Variants in TRIOBP observed in about 807,000 individuals in gnomAD.
TRIOBP encodes the protein TRIO and F-actin-binding protein.
TRIOBP carries 169 observed loss-of-function variants against 238.8 expected under a neutral mutation model. That is an observed-to-expected ratio of 0.71 (90% confidence interval 0.62 to 0.80). The LOEUF (loss-of-function observed/expected upper bound fraction) is 0.80, where lower values mean the gene tolerates loss of function less well. Ranked by LOEUF, TRIOBP falls within the 30% of genes least tolerant of loss-of-function variation. The probability of loss-of-function intolerance (pLI) is 0.00; values close to 1 mark genes in which losing one functional copy is unlikely to be tolerated. For synonymous variants in TRIOBP, 1,150 were observed against 1,274.4 expected (o/e 0.90, Z 2.08); for missense variants, 2,838 against 3,122.6 (o/e 0.91, Z 2.17).
intron 17 of TRIOBP, among the ~76,000 whole-genome samples, chr22:37,761,292 A>T (rs1054023146): frequency 7.2e-5 from 11 of 152,066 alleles, no homozygotes; most frequent in African/African-American, 2.7e-4. Context: ...ACTAAAAAAA[A>T]AAAATACAAA....
chr22:37,759,812 T>C, intron 17 of TRIOBP: 4 of 1,313,308 alleles, frequency 3.0e-6, no homozygotes, highest in Non-Finnish European at 3.9e-6. Context: ...CTGGGAATAC[T>C]TCTGGTTGTC....
chr22:37,736,553 T>TG (rs1405941915), intron 9 of TRIOBP, among the ~76,000 whole-genome samples: 1 of 152,180 alleles, frequency 6.6e-6, no homozygotes, highest in African/African-American at 2.4e-5. Context: ...AGGCATTTGC[T>TG]GGGGGTCACA....
At chr22:37,748,842 G>T (rs1464171213) in intron 11 of TRIOBP, among the ~76,000 whole-genome samples, 1 of 152,150 alleles carries the variant, frequency 6.6e-6, no homozygotes, top group East Asian at 1.9e-4. Context: ...GGGTCTTAAG[G>T]CCTGAGTAGC....
chr22:37,712,014 T>C (rs374667149), intron 4 of TRIOBP, among the ~76,000 whole-genome samples: 4 of 152,076 alleles, frequency 2.6e-5, no homozygotes, highest in African/African-American at 9.7e-5. Context: ...CATGAGTCTG[T>C]CTTCTTAGAC....
intron 11 of TRIOBP, among the ~76,000 whole-genome samples, chr22:37,748,100 C>T (rs959569290): frequency 4.6e-5 from 7 of 152,066 alleles, no homozygotes; most frequent in Admixed American, 1.3e-4. Context: ...GTAGCAAGAG[C>T]GTAGGGAAGG....
chr22:37,768,039 C>T (rs1926588021), intron 18 of TRIOBP, 35 bp from the exon 19 acceptor site: 1 of 1,570,892 alleles, frequency 6.4e-7, no homozygotes, highest in South Asian at 1.1e-5. Context: ...TGACCCCCCT[C>T]CAGTCTCTCT....
chr22:37,703,431 C>T (rs1219361446), intron 3 of TRIOBP, among the ~76,000 whole-genome samples: 2 of 151,962 alleles, frequency 1.3e-5, no homozygotes, highest in Non-Finnish European at 2.9e-5. Flanking sequence ...ACCTGGGACT[C>T]ACGAACCTCC....
chr22:37,772,779 G>C lies in TRIOBP; in HGVS notation c.*2+15G>C. On this transcript the variant is annotated intron_variant, in intron 23 of 23. Coordinates refer to ENST00000644935, the MANE Select transcript of TRIOBP (RefSeq NM_001039141.3). ...GCTGAGTAGAGGTGGATGCCGAGGC[G>C]TGTGCCCTGCAGGGTGGGCAGGGGC... 6.2e-7 allele frequency: 1 copy of C among 1,611,014 alleles called. No individual in the cohort carries two copies. The highest frequency in any genetic ancestry group is 1.7e-5 in the Admixed American group (1 of 60,016).
At chr22:37,754,767 G>T in intron 12 of TRIOBP, 110 bp from the exon 13 acceptor site, 1 of 1,074,376 alleles carries the variant, frequency 9.3e-7, no homozygotes, top group East Asian at 2.4e-5. Context: ...TCTCAAATTG[G>T]CATTTTCCGC....
In TRIOBP at chr22:37,741,440, T is replaced by A. The variant is rs888992598; in HGVS notation, c.5322+408T>A. 3.9e-5 allele frequency among the ~76,000 whole-genome samples: 6 copies of A among 152,300 alleles called. No homozygotes were observed. In the South Asian group the frequency reaches 1.2e-3, roughly 32 times the overall value. On this transcript the variant is annotated intron_variant, in intron 11 of 23. Coordinates refer to ENST00000644935, the MANE Select transcript of TRIOBP (RefSeq NM_001039141.3). ...GAGCCAGTTTCACAAACATCTGGCG[T>A]TACGTAACCCATCCCCTGCCCAGAG...
At position 37,725,246 on chromosome 22, in the gene TRIOBP, C is replaced by T. The variant is rs1924074702; in HGVS notation, c.2690C>T (p.Pro897Leu). 2.5e-6 allele frequency: 4 copies of T among 1,614,046 alleles called. No individual in the cohort carries two copies. Among genetic ancestry groups the T allele is most frequent in the Non-Finnish European group, 3.4e-6 (4 of 1,180,032 alleles). Residue 897 changes from proline (P) to leucine (L), a missense_variant, in exon 7 of 24, where the codon CCC (proline) becomes CTC (leucine). Pro to Leu is a moderately conservative substitution (Grantham distance 98, BLOSUM62 -3). Around this residue, in one of 5 missense-constraint regions of TRIOBP, gnomAD observed 2,096 missense variants for 2,137.4 expected, o/e 0.98. Coordinates refer to ENST00000644935, the MANE Select transcript of TRIOBP (RefSeq NM_001039141.3). ...TQWNNPRNSSPHRTNKDIPWA... is the reference protein window; with the variant it reads ...TQWNNPRNSSLHRTNKDIPWA... The stretch of plus-strand genomic sequence containing the variant: ...TGGAACAATCCCAGGAATTCATCTC[C>T]CCATCGTACTAACAAAGACATCCCC...
At chr22:37,740,014 G>A (rs1225532423) in intron 10 of TRIOBP, among the ~76,000 whole-genome samples, 1 of 152,194 alleles carries the variant, frequency 6.6e-6, no homozygotes, top group African/African-American at 2.4e-5. Context: ...TGTATACCCA[G>A]GTGTGGGTCA....
chr22:37,710,565 A>G lies in TRIOBP; in HGVS notation c.253A>G (p.Arg85Gly). The G allele has an allele frequency of 2.5e-6, 4 of 1,609,576 alleles. No homozygotes were observed. Among genetic ancestry groups the G allele is most frequent in the Non-Finnish European group, 3.4e-6 (4 of 1,179,538 alleles). The change falls in exon 4 of 24, where the codon AGG becomes GGG. Residue 85 changes from arginine to glycine, a missense_variant and splice_region_variant. Arg to Gly is a moderately radical substitution (Grantham distance 125). Coordinates refer to ENST00000644935, the MANE Select transcript of TRIOBP (RefSeq NM_001039141.3). The stretch of plus-strand genomic sequence containing the variant: ...CCCAGGCCTCAGGCCAGGGCCCAAG[A>G]GGTGGGTAGAGTCCCAGGGCCCAGG... ...VDPGLRPGPK[R>G]GPSPSAGLPE... is the part of the protein sequence containing the mutation.
intron 16 of TRIOBP, among the ~76,000 whole-genome samples, chr22:37,758,820 G>A (rs1384635501): frequency 1.3e-5 from 2 of 152,142 alleles, no homozygotes; most frequent in African/African-American, 4.8e-5. Context: ...TTTTACTGAC[G>A]GGAAAACTGA....
intron 10 of TRIOBP, among the ~76,000 whole-genome samples, chr22:37,740,183 A>C (rs576416394): frequency 2.4e-4 from 36 of 152,312 alleles, no homozygotes; most frequent in African/African-American, 8.2e-4. Context: ...CCACTTCCAA[A>C]GAGTCTGCAG....
rs1222366001 is a variant in TRIOBP at position 37,725,653 on chromosome 22, T to G, written c.3097T>G (p.Leu1033Val). The G allele has an allele frequency of 6.2e-7, 1 of 1,607,164 alleles. No individual in the cohort carries two copies. Among genetic ancestry groups the G allele is most frequent in the South Asian group, 1.1e-5 (1 of 90,258 alleles). The change falls in exon 7 of 24, where the codon TTG becomes GTG. Residue 1033 changes from leucine (L) to valine (V), a missense_variant. Leu to Val is a conservative substitution (Grantham distance 32). Transcript: ENST00000644935. ...TCGAGCCTCTTCGCCCCCTCGCTAT[T>G]TGCAGCACGACCCCTTCCCCTTCTT... is the stretch of plus-strand genomic sequence containing the variant. ...APRASSPPRYLQHDPFPFFPE... is the reference protein window; with the variant it reads ...APRASSPPRYVQHDPFPFFPE...
Position 37,771,702 on chromosome 22 carries a change from A to G in TRIOBP, c.6902A>G (p.Gln2301Arg), listed in dbSNP as rs760607912. The change falls in exon 22 of 24, where the codon CAG becomes CGG. Residue 2301 changes from glutamine to arginine, a missense_variant. By Grantham distance (43) the Gln-to-Arg change is conservative. Around this residue, in one of 5 missense-constraint regions of TRIOBP, gnomAD observed 2,096 missense variants for 2,137.4 expected, o/e 0.98. Transcript: ENST00000644935. Reference protein sequence around the residue: ...NELQYLKKEVQCLRDELQMMQ... With the variant: ...NELQYLKKEVRCLRDELQMMQ... ...CTCCAGTACCTAAAGAAGGAGGTGC[A>G]GTGCCTCCGGGACGAGCTCCAGATG... is the stretch of plus-strand genomic sequence containing the variant. 4 of 1,614,176 alleles carry G rather than the reference A, an allele frequency of 2.5e-6. No homozygotes were observed. Among genetic ancestry groups the G allele is most frequent in the Non-Finnish European group, 3.4e-6 (4 of 1,180,014 alleles).
rs1458745640 is a variant in TRIOBP at position 37,755,172 on chromosome 22, C to G, written c.5559C>G (p.Asn1853Lys). 1 of 1,612,584 alleles carries G rather than the reference C, an allele frequency of 6.2e-7. No homozygotes were observed. Among genetic ancestry groups the G allele is most frequent in the Non-Finnish European group, 8.5e-7 (1 of 1,179,376 alleles). The change falls in exon 14 of 24, where the codon AAC (asparagine) becomes AAG (lysine). Residue 1853 changes from asparagine (N) to lysine (K), a missense_variant. Transcript: ENST00000644935. ...TDVTEYAVQR[N>K]YGFQIHTKDA... ...TCACTGAGTACGCGGTGCAGCGCAA[C>G]TATGGCTTCCAGATCCACGTGAGGC...
intron 17 of TRIOBP, among the ~76,000 whole-genome samples, chr22:37,761,296 A>C (rs77304359): frequency 6.6e-6 from 1 of 151,918 alleles, no homozygotes; most frequent in African/African-American, 2.4e-5. Context: ...AAAAAAAAAA[A>C]TACAAAACTT....
Sources: gnomAD v4.1 joint callset for allele counts (sites outside exome capture counted in the v4.1 genomes callset) on GRCh38, gnomAD v4.1.1 for gene constraint, gnomAD v4.1.1 regional missense constraint, MANE v1.5 for transcripts, NCBI Gene and HGNC (gene_info 2026-07-23, HGNC 2026-07-21) for gene names.